The following SCG5 variants were observed in gnomAD, a reference collection of about 807,000 sequenced individuals.
SCG5 encodes neuroendocrine protein 7B2.
Under a neutral mutation model 25.7 loss-of-function variants are expected in SCG5, and 18 were observed. The observed-to-expected ratio is 0.70, with a 90% CI of 0.48 to 1.04. The LOEUF (loss-of-function observed/expected upper bound fraction) is 1.04, where lower values mean the gene tolerates loss of function less well. Among genes scored for constraint, SCG5 ranks in the 50% least tolerant of loss-of-function variants. The probability of loss-of-function intolerance (pLI) is 0.00; values close to 1 mark genes in which losing one functional copy is unlikely to be tolerated. For synonymous variants in SCG5, 101 were observed against 91.7 expected (o/e 1.10, Z -0.58); for missense variants, 206 against 259.8 (o/e 0.79, Z 1.42).
intron 2 of SCG5, among the ~76,000 whole-genome samples, chr15:32,653,546 GAGAC>G (rs1489412937): frequency 1.3e-5 from 2 of 152,240 alleles, no homozygotes; most frequent in African/African-American, 2.4e-5. Flanking sequence ...AATGTATAGA[GAGAC>G]AGACAGTTAT....
At chr15:32,677,050 ATACCT>A (rs1037484007) in intron 2 of SCG5, among the ~76,000 whole-genome samples, 6 of 152,222 alleles carry the variant, frequency 3.9e-5, no homozygotes, top group African/African-American at 1.4e-4. Flanking sequence ...GTTATATAAA[ATACCT>A]TATATTACAT....
chr15:32,652,229 T>TG (rs1237856146), intron 2 of SCG5, among the ~76,000 whole-genome samples: 2 of 151,676 alleles, frequency 1.3e-5, no homozygotes, highest in East Asian at 3.9e-4. Flanking sequence ...TACTGCTTTG[T>TG]GGGGGCTTTG....
intron 2 of SCG5, among the ~76,000 whole-genome samples, chr15:32,672,483 G>A (rs1416134778): frequency 6.6e-6 from 1 of 152,240 alleles, no homozygotes; most frequent in African/African-American, 2.4e-5. Flanking sequence ...AGGAACCATG[G>A]TGGCGAGGCC....
chr15:32,650,651 C>A (rs2054018690), intron 2 of SCG5, among the ~76,000 whole-genome samples: 1 of 152,166 alleles, frequency 6.6e-6, no homozygotes, highest in African/African-American at 2.4e-5. Flanking sequence ...GTTGTGCCAG[C>A]TGACACTGAT....
At chr15:32,645,474 C>T (rs1430107875) in intron 2 of SCG5, among the ~76,000 whole-genome samples, 2 of 152,164 alleles carry the variant, frequency 1.3e-5, no homozygotes, top group African/African-American at 4.8e-5. Context: ...AGTGGGGACA[C>T]ACATCAAAAG....
intron 2 of SCG5, among the ~76,000 whole-genome samples, chr15:32,670,214 C>G (rs1034895366): frequency 2.0e-5 from 3 of 152,230 alleles, no homozygotes; most frequent in Non-Finnish European, 4.4e-5. Context: ...TTTCATTTTG[C>G]TTATCTGCCA....
chr15:32,663,064 T>A (rs1595799481), intron 2 of SCG5, among the ~76,000 whole-genome samples: 2 of 44,642 alleles, frequency 4.5e-5, no homozygotes, highest in East Asian at 6.5e-4. Context: ...TATATATATA[T>A]ATATATATAT....
chr15:32,688,414 G>A (rs1479623326), intron 4 of SCG5, among the ~76,000 whole-genome samples: 2 of 152,166 alleles, frequency 1.3e-5, no homozygotes, highest in African/African-American at 2.4e-5. Flanking sequence ...CCTGAGCCAC[G>A]GGGATATGAG....
chr15:32,687,404 T>G (rs910612923), intron 4 of SCG5, among the ~76,000 whole-genome samples: 4 of 152,262 alleles, frequency 2.6e-5, no homozygotes, highest in African/African-American at 9.6e-5. Context: ...AATGTTTAGA[T>G]ACCTTTTATC....
At chr15:32,676,352 A>G (rs998100962) in intron 2 of SCG5, among the ~76,000 whole-genome samples, 8 of 152,208 alleles carry the variant, frequency 5.3e-5, no homozygotes, top group Non-Finnish European at 1.0e-4. Context: ...CAGGCCTTCC[A>G]TAAGAGAAAC....
intron 2 of SCG5, among the ~76,000 whole-genome samples, chr15:32,649,218 G>A (rs1401357290): frequency 3.3e-5 from 5 of 152,154 alleles, no homozygotes; most frequent in Non-Finnish European, 7.3e-5. Context: ...AAATATTTGA[G>A]GAATTAATGT....
intron 2 of SCG5, among the ~76,000 whole-genome samples, chr15:32,663,684 C>T (rs1015686014): frequency 6.6e-6 from 1 of 152,070 alleles, no homozygotes; most frequent in Non-Finnish European, 1.5e-5. Flanking sequence ...GGAGTCTGAG[C>T]TGCTTGGGAT....
chr15:32,672,121 T>C (rs1323946372), intron 2 of SCG5, among the ~76,000 whole-genome samples: 2 of 152,270 alleles, frequency 1.3e-5, no homozygotes, highest in Admixed American at 1.3e-4. Flanking sequence ...TTTTAGCATC[T>C]GCTGTTTGTG....
chr15:32,690,929 C>A (rs28502625), intron 4 of SCG5, among the ~76,000 whole-genome samples: 9 of 151,460 alleles, frequency 5.9e-5, no homozygotes, highest in African/African-American at 1.7e-4. Flanking sequence ...AAAGCCCCCC[C>A]CCACCGCCAC....
chr15:32,665,536 G>C (rs895491544), intron 2 of SCG5, among the ~76,000 whole-genome samples: 1 of 152,162 alleles, frequency 6.6e-6, no homozygotes, highest in African/African-American at 2.4e-5. Context: ...AGAGGAGTCA[G>C]AGCTGTGAAT....
intron 2 of SCG5, among the ~76,000 whole-genome samples, chr15:32,673,686 A>T (rs901813460): frequency 4.6e-5 from 7 of 152,068 alleles, no homozygotes; most frequent in African/African-American, 1.7e-4. Context: ...GAGTGAGGTG[A>T]CAAAGAACAT....
At chr15:32,661,243 C>G (rs767699635) in intron 2 of SCG5, among the ~76,000 whole-genome samples, 5 of 152,204 alleles carry the variant, frequency 3.3e-5, no homozygotes, top group Non-Finnish European at 7.3e-5. Context: ...AGATGTGGGT[C>G]AGATAATTCT....
chr15:32,680,154 C>T (rs181647633), intron 3 of SCG5, among the ~76,000 whole-genome samples: 1 of 151,376 alleles, frequency 6.6e-6, no homozygotes, highest in Non-Finnish European at 1.5e-5. Context: ...CTGTGTCTCC[C>T]CTTCTTTGGG....
At chr15:32,675,653 C>T (rs2054517827) in intron 2 of SCG5, among the ~76,000 whole-genome samples, 1 of 152,180 alleles carries the variant, frequency 6.6e-6, no homozygotes, top group Admixed American at 6.5e-5. Flanking sequence ...TATTGCTACA[C>T]AGTATGTTGC....
Sources: gnomAD v4.1 joint callset for allele counts (sites outside exome capture counted in the v4.1 genomes callset) on GRCh38, gnomAD v4.1.1 for gene constraint, MANE v1.5 for transcripts, NCBI Gene and HGNC (gene_info 2026-07-23, HGNC 2026-07-21) for gene names.